The following TRHDE variants were observed in gnomAD, a reference collection of about 807,000 sequenced individuals.
TRHDE encodes thyrotropin-releasing hormone-degrading ectoenzyme.
In TRHDE, 72 loss-of-function variants were observed where a neutral mutation model predicts 125.7. The observed-to-expected ratio is 0.57, with a 90% CI of 0.47 to 0.70. The LOEUF is 0.70. Among genes scored for constraint, TRHDE ranks in the 30% least tolerant of loss-of-function variants. The probability of loss-of-function intolerance (pLI) is 0.00; values close to 1 mark genes in which losing one functional copy is unlikely to be tolerated. For synonymous variants in TRHDE, 509 were observed against 509.1 expected (o/e 1.00, Z 0.00); for missense variants, 1,110 against 1,327.1 (o/e 0.84, Z 2.54).
At chr12:72,372,068 T>C (rs1473613457) in intron 2 of TRHDE, among the ~76,000 whole-genome samples, 2 of 152,186 alleles carry the variant, frequency 1.3e-5, no homozygotes, top group Non-Finnish European at 2.9e-5. Flanking sequence ...TTCCTGACTT[T>C]TTAATGATTG....
intron 6 of TRHDE, among the ~76,000 whole-genome samples, chr12:72,504,946 C>T (rs1002907389): frequency 6.6e-6 from 1 of 152,028 alleles, no homozygotes; most frequent in Non-Finnish European, 1.5e-5. Flanking sequence ...TAATTATTTC[C>T]TTAATAATTA....
chr12:72,569,156 A>T (rs1870601490), intron 10 of TRHDE, among the ~76,000 whole-genome samples: 2 of 152,170 alleles, frequency 1.3e-5, no homozygotes, highest in Non-Finnish European at 2.9e-5. Flanking sequence ...GTGGGGTCAA[A>T]CCTCAAGGAG....
intron 7 of TRHDE, among the ~76,000 whole-genome samples, chr12:72,550,132 G>A (rs1411088969): frequency 6.6e-6 from 1 of 151,852 alleles, no homozygotes; most frequent in Admixed American, 6.6e-5. Flanking sequence ...TTATTTAAAT[G>A]TATCTATGAA....
upstream of TRHDE, among the ~76,000 whole-genome samples, chr12:72,271,048 A>T (rs4313616): frequency 1 from 151,908 of 152,352 alleles, 75,732 homozygotes; most frequent in East Asian, 1. Context: ...CACCGTTCTA[A>T]TAAGCCCAGC....
At chr12:72,393,944 A>G (rs1037978121) in intron 3 of TRHDE, among the ~76,000 whole-genome samples, 1 of 152,194 alleles carries the variant, frequency 6.6e-6, no homozygotes, top group Non-Finnish European at 1.5e-5. Flanking sequence ...TCTTTCTGCA[A>G]TCCTTCACTG....
chr12:72,342,368 G>A (rs1229163209), intron 2 of TRHDE, among the ~76,000 whole-genome samples: 1 of 152,058 alleles, frequency 6.6e-6, no homozygotes, highest in East Asian at 1.9e-4. Flanking sequence ...CTAATTTTCA[G>A]TATCTTGAAC....
chr12:72,129,397 A>C (rs185782691), intron 2 of TRHDE, among the ~76,000 whole-genome samples: 1 of 151,962 alleles, frequency 6.6e-6, no homozygotes, highest in Non-Finnish European at 1.5e-5. Flanking sequence ...AACTATAATT[A>C]GATATCCATT....
At chr12:72,539,252 A>G (rs1182747215) in intron 6 of TRHDE, among the ~76,000 whole-genome samples, 1 of 151,862 alleles carries the variant, frequency 6.6e-6, no homozygotes. Flanking sequence ...CACTTATGAG[A>G]TTTTGAAATC....
intron 1 of TRHDE, among the ~76,000 whole-genome samples, chr12:72,274,219 C>A (rs1225835487): frequency 6.6e-6 from 1 of 152,152 alleles, no homozygotes; most frequent in African/African-American, 2.4e-5. Flanking sequence ...GCCTCGCGGG[C>A]GCTGCCAGCT....
intron 7 of TRHDE, among the ~76,000 whole-genome samples, chr12:72,550,807 T>C (rs1003185408): frequency 6.6e-6 from 1 of 152,008 alleles, no homozygotes; most frequent in African/African-American, 2.4e-5. Context: ...TGTATAATGC[T>C]AGAAGTTTGA....
At chr12:72,292,725 T>C (rs1880135368) in intron 2 of TRHDE, among the ~76,000 whole-genome samples, 1 of 152,202 alleles carries the variant, frequency 6.6e-6, no homozygotes, top group African/African-American at 2.4e-5. Flanking sequence ...CCAAGGCTTT[T>C]CCAGTTTTTG....
intron 18 of TRHDE, among the ~76,000 whole-genome samples, chr12:72,658,483 A>G (rs1340885669): frequency 6.7e-6 from 1 of 149,462 alleles, no homozygotes; most frequent in Non-Finnish European, 1.5e-5. Context: ...TCTCCTCCCT[A>G]CCTCTCTCTT....
At chr12:72,447,757 C>T (rs1211500371) in intron 3 of TRHDE, among the ~76,000 whole-genome samples, 4 of 152,128 alleles carry the variant, frequency 2.6e-5, no homozygotes, top group South Asian at 4.1e-4. Flanking sequence ...GCTTGAGCTG[C>T]ACTCCTAGAG....
chr12:72,237,245 T>C (rs1015415747), intron 2 of TRHDE, among the ~76,000 whole-genome samples: 3 of 152,214 alleles, frequency 2.0e-5, no homozygotes, highest in Non-Finnish European at 4.4e-5. Flanking sequence ...ATGTATATCA[T>C]TATTTAACAT....
intron 15 of TRHDE, among the ~76,000 whole-genome samples, chr12:72,625,322 A>G (rs1873214644): frequency 6.6e-6 from 1 of 151,932 alleles, no homozygotes; most frequent in African/African-American, 2.4e-5. Flanking sequence ...TACTAAATAG[A>G]TAATAATGTC....
chr12:72,326,081 T>C (rs1592546071), intron 2 of TRHDE, among the ~76,000 whole-genome samples: 1 of 152,166 alleles, frequency 6.6e-6, no homozygotes, highest in East Asian at 1.9e-4. Context: ...CTTTTCTTTT[T>C]CTTAACCACC....
intron 6 of TRHDE, among the ~76,000 whole-genome samples, chr12:72,522,419 T>TTA (rs989077697): frequency 6.6e-6 from 1 of 152,236 alleles, no homozygotes; most frequent in African/African-American, 2.4e-5. Context: ...CAACTAATAC[T>TTA]TATAGTTCAG....
chr12:72,098,694 C>T (rs1325797968), intron 1 of TRHDE, among the ~76,000 whole-genome samples: 1 of 152,166 alleles, frequency 6.6e-6, no homozygotes, highest in East Asian at 1.9e-4. Context: ...ACTGTCTAGT[C>T]ACTGGAAGAT....
chr12:72,414,702 G>A (rs1873657748), intron 3 of TRHDE, among the ~76,000 whole-genome samples: 2 of 152,062 alleles, frequency 1.3e-5, no homozygotes, highest in Admixed American at 6.6e-5. Context: ...CATTTGTATA[G>A]TGTTTCATTT....
Sources: allele counts gnomAD v4.1 joint callset (sites outside exome capture counted in the v4.1 genomes callset), GRCh38; gene constraint gnomAD v4.1.1; transcripts MANE v1.5; gene names NCBI Gene and HGNC (gene_info 2026-07-23, HGNC 2026-07-21).